PLAC8: variants seen among roughly 807,000 people sequenced by gnomAD.
PLAC8 encodes the protein placenta associated 8.
A neutral mutation model predicts 12.6 loss-of-function variants in PLAC8; 6 were observed. The ratio of observed to expected loss-of-function variants is 0.48; its 90% CI spans 0.26 to 0.94. PLAC8 has a LOEUF of 0.94. PLAC8 is among the 40% of genes least tolerant of loss of function. PLAC8 has a pLI of 0.14. For missense variants in PLAC8, 122 were observed against 152.7 expected, an observed-to-expected ratio of 0.80 and a Z score of 1.06; for synonymous variants, 54 against 52.6, an observed-to-expected ratio of 1.03 and a Z score of -0.11.
At chr4:83,102,915 T>C (rs1447531146) in intron 3 of PLAC8, among the ~76,000 whole-genome samples, 4 of 149,856 alleles carry the variant, frequency 2.7e-5, no homozygotes, top group Non-Finnish European at 5.9e-5. Context: ...TGAAACCCCG[T>C]CTCTACTAAA....
At chr4:83,092,118 T>C (rs570591569) in intron 4 of PLAC8, among the ~76,000 whole-genome samples, 109 of 152,278 alleles carry the variant, frequency 7.2e-4, no homozygotes, top group African/African-American at 2.5e-3. Flanking sequence ...GGGTCCAAGT[T>C]GATGAGGAGG....
intron 3 of PLAC8, among the ~76,000 whole-genome samples, chr4:83,099,481 A>C (rs1348316111): frequency 6.6e-6 from 1 of 152,056 alleles, no homozygotes; most frequent in Non-Finnish European, 1.5e-5. Flanking sequence ...GATCATTAAG[A>C]GTTTGATGTT....
At chr4:83,091,615 CACTTGCAT>C (rs1176265018) in intron 4 of PLAC8, among the ~76,000 whole-genome samples, 1 of 152,144 alleles carries the variant, frequency 6.6e-6, no homozygotes, top group African/African-American at 2.4e-5. Context: ...ATAGAGAGTG[CACTTGCAT>C]GCTGTACTTT....
chr4:83,103,396 CAAAGAAAG>C (rs375025864), intron 3 of PLAC8, among the ~76,000 whole-genome samples: 5 of 151,474 alleles, frequency 3.3e-5, no homozygotes, highest in African/African-American at 9.7e-5. Flanking sequence ...TCCATCTCAA[CAAAGAAAG>C]AAAGAAAGAA....
Position 83,094,497 on chromosome 4 carries a change from G to A in PLAC8, c.*9+181C>T. 5 of 509,434 alleles carry A rather than the reference G, an allele frequency of 9.8e-6. No individual in the cohort carries two copies. In the South Asian group the frequency reaches 1.3e-4, roughly 14 times the overall value. The allele number at this position is 509,434 out of a possible 1,614,324, so 31.6% of individuals were successfully genotyped here. On this transcript the variant is annotated intron_variant, in intron 4 of 4. Coordinates refer to ENST00000311507, the MANE Select transcript of PLAC8 (RefSeq NM_016619.3). ...TTATTTACTAAAATATGGTTTCAAA[G>A]TATAGAGCTATCTTCTTCATAAGAA... is the stretch of plus-strand genomic sequence containing the variant.
chr4:83,103,084 T>TA (rs34047201), intron 3 of PLAC8, among the ~76,000 whole-genome samples: 58,420 of 125,532 alleles, frequency 0.47, 14,896 homozygotes, highest in East Asian at 0.64. Context: ...AGACTCCCTT[T>TA]AAAAAAAAAA....
intron 4 of PLAC8, among the ~76,000 whole-genome samples, chr4:83,091,493 C>T (rs1310545338): frequency 6.6e-6 from 1 of 152,158 alleles, no homozygotes; most frequent in Non-Finnish European, 1.5e-5. Context: ...CTCATCACAT[C>T]AAATCAGGGG....
At chr4:83,099,841 CAAAAA>C (rs57432177) in intron 3 of PLAC8, among the ~76,000 whole-genome samples, 1 of 132,610 alleles carries the variant, frequency 7.5e-6, no homozygotes, top group Non-Finnish European at 1.6e-5. Context: ...ACTAAAAATA[CAAAAA>C]AAAAAAAAAA....
At chr4:83,112,194 ATATATATATGTATATATATATATG>A (rs1423839444) in intron 1 of PLAC8, among the ~76,000 whole-genome samples, 25 of 43,976 alleles carry the variant, frequency 5.7e-4, no homozygotes, top group African/African-American at 2.4e-3. Context: ...AAATTTATAT[ATATATATATGTATATATATATATG>A]TATATATATA....
At chr4:83,105,512 G>A (rs1459287612) in intron 2 of PLAC8, among the ~76,000 whole-genome samples, 3 of 152,324 alleles carry the variant, frequency 2.0e-5, no homozygotes, top group East Asian at 1.9e-4. Flanking sequence ...GAGCCTCTTC[G>A]AGGTAATCTG....
At chr4:83,110,623 GTGA>G (rs1041668448) in intron 1 of PLAC8, among the ~76,000 whole-genome samples, 1 of 152,220 alleles carries the variant, frequency 6.6e-6, no homozygotes, top group African/African-American at 2.4e-5. Flanking sequence ...GAGGCCATGC[GTGA>G]TGCAGGCTCC....
At chr4:83,096,432 C>T (rs942843051) in intron 3 of PLAC8, among the ~76,000 whole-genome samples, 3 of 152,112 alleles carry the variant, frequency 2.0e-5, no homozygotes, top group African/African-American at 7.2e-5. Flanking sequence ...ATTGACAACA[C>T]TTGTGAACAA....
intron 3 of PLAC8, among the ~76,000 whole-genome samples, chr4:83,099,279 G>C (rs575666952): frequency 6.6e-6 from 1 of 151,730 alleles, no homozygotes; most frequent in East Asian, 1.9e-4. Flanking sequence ...GTCCAGGCTG[G>C]AGTACAATGA....
At chr4:83,099,432 A>AT (rs1331568275) in intron 3 of PLAC8, among the ~76,000 whole-genome samples, 3 of 152,118 alleles carry the variant, frequency 2.0e-5, no homozygotes, top group South Asian at 2.1e-4. Context: ...CAATATTTCA[A>AT]TTTTTTTCAT....
At chr4:83,093,913 T>C (rs555845681) in intron 4 of PLAC8, 4 of 152,296 alleles carry the variant, frequency 2.6e-5, no homozygotes, top group East Asian at 1.9e-4. Flanking sequence ...TAAATGAACA[T>C]TTTTTTACGT....
intron 2 of PLAC8, among the ~76,000 whole-genome samples, chr4:83,106,681 A>G (rs1185432636): frequency 6.6e-6 from 1 of 152,208 alleles, no homozygotes; most frequent in Non-Finnish European, 1.5e-5. Context: ...TTTCAACTTT[A>G]AAGGATAATG....
At chr4:83,098,650 A>C (rs1472739778) in intron 3 of PLAC8, among the ~76,000 whole-genome samples, 1 of 152,238 alleles carries the variant, frequency 6.6e-6, no homozygotes, top group Non-Finnish European at 1.5e-5. Flanking sequence ...AAAGGAGGAC[A>C]GAAAGAAGAG....
chr4:83,107,807 C>T lies in PLAC8; in HGVS notation c.115G>A (p.Val39Ile), dbSNP rs371039027. 4.4e-6 allele frequency: 7 copies of T among 1,600,740 alleles called. No homozygotes were observed. The highest frequency in any genetic ancestry group is 5.1e-6 in the Non-Finnish European group (6 of 1,170,504). The change falls in exon 2 of 5, where the codon GTC (valine) becomes ATC (isoleucine). Residue 39 changes from valine to isoleucine, a missense_variant. Transcript: ENST00000311507. The stretch of plus-strand genomic sequence containing the variant: ...GGTTCTTTCCCCACACACTTACAGA[C>T]TCCGCAGTCGCTGAAACAGTCACAC... The part of the protein sequence containing the change: ...GMCDCFSDCG[V>I]CLCGTFCFPC...
At chr4:83,100,682 C>T (rs933914715) in intron 3 of PLAC8, among the ~76,000 whole-genome samples, 17 of 152,150 alleles carry the variant, frequency 1.1e-4, no homozygotes, top group African/African-American at 4.1e-4. Flanking sequence ...TTCCCTGAGA[C>T]ACAACAATAC....
Sources: allele counts gnomAD v4.1 joint callset (sites outside exome capture counted in the v4.1 genomes callset), GRCh38; gene constraint gnomAD v4.1.1; transcripts MANE v1.5; gene names NCBI Gene and HGNC (gene_info 2026-07-23, HGNC 2026-07-21).